Variants in SLC24A5 observed in about 807,000 individuals in gnomAD.
SLC24A5 encodes the protein sodium/potassium/calcium exchanger 5.
A neutral mutation model predicts 51.6 loss-of-function variants in SLC24A5; 46 were observed. That is an observed-to-expected ratio of 0.89 (90% CI 0.70 to 1.14). SLC24A5 has a LOEUF of 1.14. Among genes scored for constraint, SLC24A5 ranks in the 50% most tolerant of loss-of-function variants. The probability of loss-of-function intolerance (pLI) is 0.00; values close to 1 mark genes in which losing one functional copy is unlikely to be tolerated. For synonymous variants in SLC24A5, 230 were observed against 214.9 expected (o/e 1.07, Z -0.62); for missense variants, 581 against 604.1 (o/e 0.96, Z 0.40).
chr15:48,135,183 TCA>T (rs1027895262), intron 5 of SLC24A5, 199 bp downstream of exon 5: 7 of 441,866 alleles, frequency 1.6e-5, no homozygotes, highest in East Asian at 3.5e-5. Flanking sequence ...CTTAATCACT[TCA>T]CAGTCTCCTT....
At chr15:48,132,695 T>G (rs8041528) in intron 2 of SLC24A5, among the ~76,000 whole-genome samples, 4,610 of 152,158 alleles carry the variant, frequency 0.03, 173 homozygotes, top group Admixed American at 0.091. Flanking sequence ...GAGCTCACTC[T>G]CTCATATGTC....
intron 8 of SLC24A5, chr15:48,141,731 G>A (rs1188951497): frequency 1.0e-5 from 2 of 200,374 alleles, no homozygotes; most frequent in South Asian, 1.6e-4. Context: ...CATTTGAAAT[G>A]TGTGTTAAAT....
chr15:48,140,439 G>A (rs148920948), intron 7 of SLC24A5: 1 of 152,192 alleles, frequency 6.6e-6, no homozygotes, highest in East Asian at 1.9e-4. Flanking sequence ...TAAAGGAACA[G>A]TTACATAACC....
chr15:48,136,859 C>G lies in SLC24A5; in HGVS notation c.767C>G (p.Pro256Arg), dbSNP rs1359663627. Residue 256 changes from proline to arginine, a missense_variant, in exon 6 of 9, where the codon CCA (proline) becomes CGA (arginine). Physicochemically the swap from Pro to Arg is moderately radical, Grantham distance 103. Coordinates refer to ENST00000341459, the MANE Select transcript of SLC24A5 (RefSeq NM_205850.3). ...ATGGGCTGGGAAGATGAAGGTCAAC[C>G]ATTCATTCGTCGGCAATCAAGAACT... ...PLMGWEDEGQ[P>R]FIRRQSRTDS... 4.3e-6 allele frequency: 7 copies of G among 1,613,708 alleles called. No homozygotes were observed. Among genetic ancestry groups the G allele is most frequent in the Admixed American group, 1.7e-5 (1 of 59,972 alleles).
intron 2 of SLC24A5, chr15:48,124,275 A>T (rs2038709489): frequency 6.6e-6 from 1 of 152,056 alleles, no homozygotes; most frequent in Non-Finnish European, 1.5e-5. Context: ...TTTTCCACTA[A>T]GAATCTGTCT....
chr15:48,125,801 TTCA>T (rs775322702), intron 2 of SLC24A5, among the ~76,000 whole-genome samples: 19 of 152,304 alleles, frequency 1.2e-4, no homozygotes, highest in South Asian at 4.1e-4. Context: ...ACAGTGGAAC[TTCA>T]TCATCATAGA....
At chr15:48,139,257 C>A in intron 7 of SLC24A5, 82 bp downstream of exon 7, 1 of 1,157,314 alleles carries the variant, frequency 8.6e-7, no homozygotes, top group Non-Finnish European at 1.2e-6. Flanking sequence ...AGTAGTCTAG[C>A]TACACAGCAA....
At chr15:48,137,718 T>C (rs1269728558) in intron 6 of SLC24A5, 1 of 152,112 alleles carries the variant, frequency 6.6e-6, no homozygotes, top group Non-Finnish European at 1.5e-5. Flanking sequence ...ACACCTCCTA[T>C]GTTTTAATCT....
At chr15:48,134,050 C>T (rs543163038) in intron 2 of SLC24A5, among the ~76,000 whole-genome samples, 9 of 152,208 alleles carry the variant, frequency 5.9e-5, no homozygotes, top group African/African-American at 2.2e-4. Context: ...CTTTAGTCTC[C>T]TGGCCTTCCC....
chr15:48,126,063 G>A (rs1000360818), intron 2 of SLC24A5, among the ~76,000 whole-genome samples: 1 of 152,158 alleles, frequency 6.6e-6, no homozygotes, highest in African/African-American at 2.4e-5. Flanking sequence ...CAGGGCCCCC[G>A]CTCGGTCAAA....
intron 2 of SLC24A5, among the ~76,000 whole-genome samples, chr15:48,130,476 T>G (rs1358189940): frequency 1.3e-5 from 2 of 152,290 alleles, no homozygotes; most frequent in East Asian, 3.9e-4. Flanking sequence ...TTACTGCCTT[T>G]TGGGACTGAA....
chr15:48,140,940 C>T, intron 7 of SLC24A5, 173 bp from the exon 8 acceptor site: 1 of 503,886 alleles, frequency 2.0e-6, no homozygotes, highest in Admixed American at 3.5e-5. Flanking sequence ...CCCGAATTAC[C>T]AGCCTGATTC....
intron 2 of SLC24A5, among the ~76,000 whole-genome samples, chr15:48,129,816 G>GA (rs367974857): frequency 2.0e-4 from 30 of 149,952 alleles, no homozygotes; most frequent in African/African-American, 5.9e-4. Flanking sequence ...AGTAAAGATT[G>GA]AAAAAAAAAG....
chr15:48,133,530 TC>T (rs1358572725), intron 2 of SLC24A5, among the ~76,000 whole-genome samples: 15 of 152,160 alleles, frequency 9.9e-5, no homozygotes, highest in Non-Finnish European at 4.4e-5. Flanking sequence ...TTACGTATTT[TC>T]TTATATTCCT....
chr15:48,133,095 C>T (rs2038811209), intron 2 of SLC24A5, among the ~76,000 whole-genome samples: 2 of 152,034 alleles, frequency 1.3e-5, no homozygotes, highest in Admixed American at 1.3e-4. Context: ...GAAATACCAA[C>T]CACCTGTGAC....
At position 48,134,965 on chromosome 15, in the gene SLC24A5, T is replaced by C. The variant is rs751946655; in HGVS notation, c.571T>C (p.Tyr191His). 6.2e-7 allele frequency: 1 copy of C among 1,609,568 alleles called. No homozygotes were observed. Among genetic ancestry groups the C allele is most frequent in the Non-Finnish European group, 8.5e-7 (1 of 1,176,630 alleles). ...ISAAAVLGII[Y>H]DNQVYWYEGA... is the part of the protein sequence containing the mutation. ...TGCAGCAGCAGTTCTTGGTATAATA[T>C]ATGACAACCAAGTTTACTGGTAAGC... The change falls in exon 5 of 9, where the codon TAT (tyrosine) becomes CAT (histidine). Residue 191 changes from tyrosine (Y) to histidine (H), a missense_variant. Coordinates refer to ENST00000341459, the MANE Select transcript of SLC24A5 (RefSeq NM_205850.3).
intron 6 of SLC24A5, 114 bp downstream of exon 6, chr15:48,137,077 T>C: frequency 8.6e-7 from 1 of 1,158,226 alleles, no homozygotes; most frequent in Non-Finnish European, 1.2e-6. Flanking sequence ...CTGTGAAGAC[T>C]CAGAAATGAT....
At chr15:48,129,762 T>C (rs2140717216) in intron 2 of SLC24A5, among the ~76,000 whole-genome samples, 1 of 151,750 alleles carries the variant, frequency 6.6e-6, no homozygotes, top group Middle Eastern at 3.4e-3. Context: ...AAATAAAAAG[T>C]GGTGTAGAGT....
At chr15:48,136,462 A>T (rs537159133) in intron 5 of SLC24A5, 298 of 197,102 alleles carry the variant, frequency 1.5e-3, no homozygotes, top group Middle Eastern at 8.8e-3. Flanking sequence ...TCTTGTTTTT[A>T]AAAAAAAAAA....
Sources: allele counts gnomAD v4.1 joint callset (sites outside exome capture counted in the v4.1 genomes callset), GRCh38; gene constraint gnomAD v4.1.1; transcripts MANE v1.5; gene names NCBI Gene and HGNC (gene_info 2026-07-23, HGNC 2026-07-21).